ARFGEF2: variants seen among roughly 807,000 people sequenced by gnomAD.
ARFGEF2 encodes brefeldin A-inhibited guanine nucleotide-exchange protein 2.
A neutral mutation model predicts 219.9 loss-of-function variants in ARFGEF2; 74 were observed. The ratio of observed to expected loss-of-function variants is 0.34; its 90% CI spans 0.28 to 0.41. The LOEUF is 0.41. Among genes scored for constraint, ARFGEF2 ranks in the 10% least tolerant of loss-of-function variants. ARFGEF2 has a pLI of 1.00. For missense variants in ARFGEF2, 1,743 were observed against 2,218.3 expected (o/e 0.79, Z 4.30); for synonymous variants, 733 against 799.2 (o/e 0.92, Z 1.40).
intron 9 of ARFGEF2, among the ~76,000 whole-genome samples, chr20:48,970,453 A>T (rs1034674877): frequency 1.3e-4 from 19 of 151,756 alleles, no homozygotes; most frequent in African/African-American, 7.3e-5. Context: ...TACTAAAAAT[A>T]CAAAAAATTA....
rs2090869004 is a variant in ARFGEF2, at chr20:48,925,137, GT to G, written c.121+3129del. On this transcript the variant is annotated intron_variant, in intron 1 of 38. Transcript: ENST00000371917. ...CTTCCTAAACTCAATGAAGACAGGG[GT>G]TGTCCTTTGTAAAAATTGTGATAAT... is the stretch of plus-strand genomic sequence containing the variant. Among the ~76,000 whole-genome samples, 3 of 152,298 alleles carry G rather than the reference GT, an allele frequency of 2.0e-5. No individual in the cohort carries two copies. In the East Asian group the frequency reaches 5.8e-4, roughly 29 times the overall value.
Position 49,033,160 on chromosome 20 carries a change from G to A in ARFGEF2, c.5319G>A (p.Glu1773=). ...TGTATAAGATATGGATACCAGAAGA[G>A]CCATCACAGGTACCAGCAGCACTGT... The part of the protein sequence containing the change: ...GVVYKIWIPE[E]PSQVPAALSP... The change falls in exon 39 of 39, where the codon GAG becomes GAA. Residue 1773 remains glutamate, a synonymous_variant. Transcript: ENST00000371917. The A allele has an allele frequency of 1.9e-6, 3 of 1,614,214 alleles. No homozygotes were observed. Among genetic ancestry groups the A allele is most frequent in the South Asian group, 2.2e-5 (2 of 91,090 alleles).
intron 25 of ARFGEF2, among the ~76,000 whole-genome samples, chr20:49,001,054 CTTTTTTTT>C (rs66754799): frequency 3.3e-5 from 2 of 60,562 alleles, no homozygotes; most frequent in African/African-American, 5.6e-5. Flanking sequence ...CTCAGGAACT[CTTTTTTTT>C]TTTTTTTTTT....
At chr20:48,950,139 G>A (rs548991066) in intron 3 of ARFGEF2, among the ~76,000 whole-genome samples, 15 of 152,098 alleles carry the variant, frequency 9.9e-5, no homozygotes, top group Non-Finnish European at 1.6e-4. Context: ...CTGACATCCC[G>A]GTTGTGTGTG....
At chr20:49,007,183 A>T (rs1172845495) in intron 26 of ARFGEF2, among the ~76,000 whole-genome samples, 1 of 151,988 alleles carries the variant, frequency 6.6e-6, no homozygotes, top group Admixed American at 6.6e-5. Flanking sequence ...CCATGTGCTG[A>T]TGAATTGGCC....
chr20:49,031,919 A>G, intron 37 of ARFGEF2, 130 bp from the exon 38 acceptor site: 2 of 494,524 alleles, frequency 4.0e-6, no homozygotes, highest in South Asian at 5.4e-5. Context: ...CCCTGTCTCA[A>G]AAAAAAAAAA....
chr20:48,953,886 C>T, intron 6 of ARFGEF2, 96 bp downstream of exon 6: 1 of 1,186,842 alleles, frequency 8.4e-7, no homozygotes. Context: ...CTGAAGGAAA[C>T]CTCTGATAAC....
intron 7 of ARFGEF2, among the ~76,000 whole-genome samples, chr20:48,965,084 T>C (rs1179850501): frequency 2.6e-5 from 4 of 152,228 alleles, no homozygotes; most frequent in Non-Finnish European, 4.4e-5. Context: ...TAACTTCTTA[T>C]AGAAATGCCT....
chr20:48,977,688 A>G (rs1359114478), intron 14 of ARFGEF2, among the ~76,000 whole-genome samples: 1 of 152,206 alleles, frequency 6.6e-6, no homozygotes, highest in Non-Finnish European at 1.5e-5. Context: ...GTGAGATGGT[A>G]TCGCATTGTG....
intron 15 of ARFGEF2, 51 bp downstream of exon 15, chr20:48,984,891 G>A: frequency 6.2e-7 from 1 of 1,611,680 alleles, no homozygotes; most frequent in Non-Finnish European, 8.5e-7. Flanking sequence ...AGGTGATTGT[G>A]AGCCCTTACC....
Position 49,033,433 on chromosome 20 carries a change from T to G in ARFGEF2, c.*234T>G. 1 of 534,248 alleles carries G rather than the reference T, an allele frequency of 1.9e-6. No individual in the cohort carries two copies. 33.1% of individuals were successfully genotyped at this position (534,248 alleles called of 1,614,324 possible). A position where few individuals can be genotyped will look rare whatever the true frequency, so the allele number is the denominator to read the frequency against. On this transcript the variant is annotated 3_prime_UTR_variant, in exon 39 of 39. Coordinates refer to ENST00000371917, the MANE Select transcript of ARFGEF2 (RefSeq NM_006420.3). ...CAGTAGGTGGGGAGTCTGCTTCATT[T>G]CTATCATTCCATTTTTCTGATTAAA...
chr20:48,958,653 A>C (rs1285032861), intron 6 of ARFGEF2, among the ~76,000 whole-genome samples: 1 of 151,902 alleles, frequency 6.6e-6, no homozygotes, highest in African/African-American at 2.4e-5. Flanking sequence ...CGCGCTAGCC[A>C]GGATGGTCTC....
intron 16 of ARFGEF2, 47 bp from the exon 17 acceptor site, chr20:48,988,257 C>A: frequency 7.1e-7 from 1 of 1,416,338 alleles, no homozygotes. Context: ...TTGTACCTTC[C>A]AAACCGCATC....
In ARFGEF2 at chr20:48,988,581, A is replaced by G; in HGVS notation, c.2452A>G (p.Ile818Val). ...KDLPEEYLSS[I>V]YEEIEGKKIA... ...TCTGCCAGAAGAGTATCTCTCAAGC[A>G]TCTATGAAGAGATAGAAGGCAAGAA... The change falls in exon 18 of 39, where the codon ATC (isoleucine) becomes GTC (valine). Residue 818 changes from isoleucine to valine, a missense_variant. Physicochemically the swap from Ile to Val is conservative, Grantham distance 29. Around this residue, in one of 5 missense-constraint regions of ARFGEF2, gnomAD observed 666 missense variants for 955.4 expected, o/e 0.70. Transcript: ENST00000371917. 6.2e-7 allele frequency: 1 copy of G among 1,613,502 alleles called. No individual in the cohort carries two copies. Among genetic ancestry groups the G allele is most frequent in the Non-Finnish European group, 8.5e-7 (1 of 1,179,506 alleles).
intron 30 of ARFGEF2, among the ~76,000 whole-genome samples, chr20:49,015,974 A>G (rs958613122): frequency 6.6e-6 from 1 of 152,230 alleles, no homozygotes; most frequent in African/African-American, 2.4e-5. Context: ...TGAGTTGCAG[A>G]TGATTTGCCC....
intron 25 of ARFGEF2, among the ~76,000 whole-genome samples, chr20:49,004,620 G>C (rs1177655760): frequency 1.3e-5 from 2 of 151,718 alleles, no homozygotes; most frequent in Non-Finnish European, 2.9e-5. Flanking sequence ...GGCCAACATG[G>C]TGAAACCCCA....
At chr20:49,023,012 T>C in intron 34 of ARFGEF2, 39 bp from the exon 35 acceptor site, 6 of 1,613,446 alleles carry the variant, frequency 3.7e-6, no homozygotes, top group Non-Finnish European at 4.2e-6. Flanking sequence ...CAGTATTGGC[T>C]GAATCATTAT....
At chr20:48,942,634 G>A (rs1204774247) in intron 3 of ARFGEF2, among the ~76,000 whole-genome samples, 4 of 151,842 alleles carry the variant, frequency 2.6e-5, no homozygotes, top group East Asian at 1.9e-4. Context: ...ACATGCACCC[G>A]CCACCAAGCC....
intron 18 of ARFGEF2, 81 bp from the exon 19 acceptor site, chr20:48,989,204 G>A (rs1312738012): frequency 2.0e-6 from 3 of 1,465,140 alleles, no homozygotes; most frequent in Non-Finnish European, 2.9e-6. Context: ...GTTAATCATT[G>A]TGCATCTTTT....
Sources: gnomAD v4.1 joint callset for allele counts (sites outside exome capture counted in the v4.1 genomes callset) on GRCh38, gnomAD v4.1.1 for gene constraint, gnomAD v4.1.1 regional missense constraint, MANE v1.5 for transcripts, NCBI Gene and HGNC (gene_info 2026-07-23, HGNC 2026-07-21) for gene names.